The following ZC3H18 variants were observed in gnomAD, a reference collection of about 807,000 sequenced individuals.
ZC3H18 encodes zinc finger CCCH-type containing 18.
A neutral mutation model predicts 106.1 loss-of-function variants in ZC3H18; 8 were observed. That is an observed-to-expected ratio of 0.08 (90% confidence interval 0.04 to 0.14). The LOEUF is 0.14. ZC3H18 is among the 10% of genes least tolerant of loss of function. The pLI, the probability that ZC3H18 is intolerant of heterozygous loss-of-function variation, is 1.00. For missense variants in ZC3H18, 1,318 were observed against 1,278.4 expected (o/e 1.03, Z -0.47); for synonymous variants, 635 against 522.1 (o/e 1.22, Z -2.95).
chr16:88,590,732 G>T (rs954346982), intron 3 of ZC3H18, among the ~76,000 whole-genome samples: 4 of 151,474 alleles, frequency 2.6e-5, no homozygotes, highest in Non-Finnish European at 5.9e-5. Context: ...ACTCATTTTT[G>T]TATTTTTAGC....
chr16:88,599,622 C>T (rs1220843313), intron 5 of ZC3H18, among the ~76,000 whole-genome samples, 169 bp from the exon 6 acceptor site: 1 of 152,176 alleles, frequency 6.6e-6, no homozygotes, highest in African/African-American at 2.4e-5. Context: ...CTGCCCTCCC[C>T]AGAAGGACAA....
In ZC3H18 at chr16:88,624,069, G is replaced by T. The variant is rs377114698; in HGVS notation, c.1898+7G>T. 1 of 1,603,450 alleles carries T rather than the reference G, an allele frequency of 6.2e-7. No individual in the cohort carries two copies. Among genetic ancestry groups the T allele is most frequent in the African/African-American group, 1.3e-5 (1 of 74,616 alleles). On this transcript the variant is annotated splice_region_variant and intron_variant, in intron 11 of 17. Transcript: ENST00000301011. ...CGCCGCCCGGGAAAGCAGGGTGAGT[G>T]CCCAGCCTGTGGGCAAGTCCTGGCC... is the stretch of plus-strand genomic sequence containing the variant.
chr16:88,573,498 C>G (rs1199119339), intron 1 of ZC3H18, among the ~76,000 whole-genome samples: 1 of 152,036 alleles, frequency 6.6e-6, no homozygotes, highest in Non-Finnish European at 1.5e-5. Flanking sequence ...CAGAAATGCT[C>G]TGTGCATCAA....
intron 9 of ZC3H18, 50 bp from the exon 10 acceptor site, chr16:88,623,169 C>T (rs1906076094): frequency 1.4e-5 from 23 of 1,592,942 alleles, no homozygotes; most frequent in Non-Finnish European, 2.0e-5. Context: ...GCGTGTGGGG[C>T]AGGGAGGGCC....
At chr16:88,605,448 G>A (rs1313794014) in intron 6 of ZC3H18, among the ~76,000 whole-genome samples, 1 of 152,258 alleles carries the variant, frequency 6.6e-6, no homozygotes, top group East Asian at 1.9e-4. Flanking sequence ...GCAGCAGGGG[G>A]CTGCGTCGCT....
intron 2 of ZC3H18, among the ~76,000 whole-genome samples, chr16:88,586,386 C>A (rs12447794): frequency 0.47 from 71,479 of 152,078 alleles, 17,246 homozygotes; most frequent in East Asian, 0.58. Flanking sequence ...GTGCTTCTCC[C>A]TGGTGCTGTG....
At chr16:88,602,011 G>T (rs1904774565) in intron 6 of ZC3H18, among the ~76,000 whole-genome samples, 1 of 152,246 alleles carries the variant, frequency 6.6e-6, no homozygotes, top group Non-Finnish European at 1.5e-5. Context: ...GAGGAAAACA[G>T]TGAGTAGAGG....
At chr16:88,602,876 G>A (rs1904820042) in intron 6 of ZC3H18, among the ~76,000 whole-genome samples, 1 of 152,188 alleles carries the variant, frequency 6.6e-6, no homozygotes, top group Non-Finnish European at 1.5e-5. Flanking sequence ...CTACAGGATG[G>A]AGCTCTAGGC....
In ZC3H18 at chr16:88,630,559, G is replaced by A; in HGVS notation, c.2641G>A (p.Ala881Thr). The A allele has an allele frequency of 6.2e-7, 1 of 1,608,804 alleles. No individual in the cohort carries two copies. The highest frequency in any genetic ancestry group is 1.3e-5 in the African/African-American group (1 of 75,028). ...GCGGCAGAGAGGCCAGAACTCCAAA[G>A]CCCCTGCAGCCCCGGCTGACAGGTG... Reference protein sequence around the residue: ...PERQRGQNSKAPAAPADRKRQ... With the variant: ...PERQRGQNSKTPAAPADRKRQ... Residue 881 changes from alanine to threonine, a missense_variant, in exon 17 of 18, where the codon GCC (alanine) becomes ACC (threonine). Ala to Thr is a moderately conservative substitution (Grantham distance 58). Around this residue, in one of 6 missense-constraint regions of ZC3H18, gnomAD observed 848 missense variants for 821.7 expected, o/e 1.03. Coordinates refer to ENST00000301011, the MANE Select transcript of ZC3H18 (RefSeq NM_144604.4).
intron 13 of ZC3H18, chr16:88,626,471 C>T (rs1273849503): frequency 6.6e-6 from 1 of 152,190 alleles, no homozygotes; most frequent in Non-Finnish European, 1.5e-5. Context: ...TCTTTCATTT[C>T]CAGGCAGCAG....
chr16:88,630,749 A>G (rs796296042), intron 17 of ZC3H18, among the ~76,000 whole-genome samples, 168 bp downstream of exon 17: 3 of 43,182 alleles, frequency 6.9e-5, no homozygotes, highest in Admixed American at 2.3e-4. Context: ...TTGCAGCCCC[A>G]CCCCCCACCC....
At chr16:88,573,948 C>G (rs974742639) in intron 1 of ZC3H18, among the ~76,000 whole-genome samples, 1 of 151,806 alleles carries the variant, frequency 6.6e-6, no homozygotes, top group Non-Finnish European at 1.5e-5. Context: ...TCTTGGCTCA[C>G]TGCAACCTCC....
intron 3 of ZC3H18, among the ~76,000 whole-genome samples, chr16:88,592,999 T>A (rs1239379077): frequency 1.3e-5 from 2 of 152,224 alleles, no homozygotes; most frequent in Non-Finnish European, 2.9e-5. Context: ...AGCATATCCC[T>A]ATGATAAAGT....
At chr16:88,580,503 G>A (rs1002038768) in intron 2 of ZC3H18, among the ~76,000 whole-genome samples, 5 of 152,090 alleles carry the variant, frequency 3.3e-5, no homozygotes, top group Non-Finnish European at 7.4e-5. Context: ...TACGCGCCAC[G>A]CCATCCTGTG....
chr16:88,598,828 G>C (rs1161717593), intron 5 of ZC3H18, 116 bp downstream of exon 5: 4 of 870,770 alleles, frequency 4.6e-6, no homozygotes, highest in Non-Finnish European at 7.0e-6. Context: ...GAAGTTAGGC[G>C]TCTGTTTCTG....
chr16:88,575,939 C>T lies in ZC3H18; in HGVS notation c.-14-1171C>T, dbSNP rs545600850. ...GTTTTGAGACGGAGTCTCACTCTGTCGCCCAGGCTGGAGTGCGGTGGCGCG... is the reference window on the plus strand; with the variant it reads ...GTTTTGAGACGGAGTCTCACTCTGTTGCCCAGGCTGGAGTGCGGTGGCGCG... On this transcript the variant is annotated intron_variant, in intron 1 of 17. Coordinates refer to ENST00000301011, the MANE Select transcript of ZC3H18 (RefSeq NM_144604.4). 5.5e-3 allele frequency among the ~76,000 whole-genome samples: 818 copies of T among 150,056 alleles called. 5 individuals are homozygous for T. Among genetic ancestry groups the T allele is most frequent in the Non-Finnish European group, 9.7e-3 (643 of 66,330 alleles).
At chr16:88,623,145 A>C in intron 9 of ZC3H18, 74 bp from the exon 10 acceptor site, 2 of 1,560,170 alleles carry the variant, frequency 1.3e-6, no homozygotes, top group Non-Finnish European at 8.6e-7. Flanking sequence ...GTAGCTGTGC[A>C]TGTGTGCGTC....
chr16:88,600,099 C>T, intron 6 of ZC3H18, 151 bp downstream of exon 6: 2 of 1,026,592 alleles, frequency 1.9e-6, no homozygotes, highest in South Asian at 3.2e-5. Flanking sequence ...AGCATTCAGG[C>T]ACGGTTCTCA....
intron 16 of ZC3H18, 26 bp downstream of exon 16, chr16:88,628,880 A>C: frequency 1.2e-6 from 2 of 1,611,774 alleles, no homozygotes; most frequent in Non-Finnish European, 1.7e-6. Context: ...CCTAGGGGGC[A>C]GGGCAGAGGG....
Sources: allele counts gnomAD v4.1 joint callset (sites outside exome capture counted in the v4.1 genomes callset), GRCh38; gene constraint gnomAD v4.1.1; regional missense constraint gnomAD v4.1.1; transcripts MANE v1.5; gene names NCBI Gene and HGNC (gene_info 2026-07-23, HGNC 2026-07-21).